Variants in SLC8A1 observed in about 807,000 individuals in gnomAD.
SLC8A1 encodes the protein solute carrier family 8 member A1, also known as sodium/calcium exchanger 1.
SLC8A1 carries 18 observed loss-of-function variants against 68.3 expected under a neutral mutation model. The observed-to-expected ratio is 0.26, with a 90% confidence interval of 0.18 to 0.39. SLC8A1 has a LOEUF of 0.39. SLC8A1 is among the 10% of genes least tolerant of loss of function. The pLI is 1.00. For synonymous variants in SLC8A1, 475 were observed against 415.5 expected (o/e 1.14, Z -1.74); for missense variants, 985 against 1,156.7 (o/e 0.85, Z 2.15).
At chr2:40,415,300 A>T (rs1693468845) in intron 2 of SLC8A1, among the ~76,000 whole-genome samples, 1 of 152,192 alleles carries the variant, frequency 6.6e-6, no homozygotes, top group East Asian at 1.9e-4. Flanking sequence ...AATTAAAGAC[A>T]TAATTGGTAA....
At chr2:40,488,991 T>C (rs1705149669) in intron 1 of SLC8A1, among the ~76,000 whole-genome samples, 1 of 152,070 alleles carries the variant, frequency 6.6e-6, no homozygotes, top group Admixed American at 6.6e-5. Context: ...CACAAGATAA[T>C]CCTAACTATA....
intron 2 of SLC8A1, among the ~76,000 whole-genome samples, chr2:40,237,224 C>T (rs2060515456): frequency 6.6e-6 from 1 of 152,202 alleles, no homozygotes; most frequent in African/African-American, 2.4e-5. Context: ...CCATTGTCCC[C>T]ATCGCTTTCA....
At chr2:40,292,783 T>C (rs2069572313) in intron 2 of SLC8A1, among the ~76,000 whole-genome samples, 1 of 152,192 alleles carries the variant, frequency 6.6e-6, no homozygotes, top group Admixed American at 6.6e-5. Flanking sequence ...GATTTAAGAC[T>C]TTGAATAGTG....
chr2:40,182,707 C>T (rs1469160497), intron 2 of SLC8A1, among the ~76,000 whole-genome samples: 3 of 152,120 alleles, frequency 2.0e-5, no homozygotes, highest in African/African-American at 7.2e-5. Context: ...TTGACTCAGG[C>T]AGACAGTCAG....
intron 2 of SLC8A1, among the ~76,000 whole-genome samples, chr2:40,408,104 C>A (rs180741762): frequency 6.6e-6 from 1 of 152,236 alleles, no homozygotes; most frequent in East Asian, 1.9e-4. Context: ...CAGAAACAGC[C>A]CTATATATTC....
At chr2:40,160,968 A>T in intron 5 of SLC8A1, 104 bp from the exon 9 acceptor site, 1 of 765,946 alleles carries the variant, frequency 1.3e-6, no homozygotes, top group Admixed American at 2.3e-5. Context: ...AAAGGGTAGC[A>T]GATGTTAGGC....
chr2:40,450,853 T>A (rs1399976452), intron 1 of SLC8A1, among the ~76,000 whole-genome samples: 1 of 152,196 alleles, frequency 6.6e-6, no homozygotes, highest in Admixed American at 6.5e-5. Context: ...CTTCTAAAAA[T>A]GCTTTGTTAA....
At chr2:40,272,098 G>C (rs575750768) in intron 2 of SLC8A1, among the ~76,000 whole-genome samples, 6 of 152,036 alleles carry the variant, frequency 3.9e-5, no homozygotes, top group Non-Finnish European at 8.8e-5. Flanking sequence ...GGAACGCCTG[G>C]TCGCAAATGC....
chr2:40,131,858 ATTTTTTTTTTTT>A (rs71404277), intron 7 of SLC8A1, among the ~76,000 whole-genome samples: 2 of 95,556 alleles, frequency 2.1e-5, no homozygotes, highest in African/African-American at 4.3e-5. Flanking sequence ...TTGGTATTCT[ATTTTTTTTTTTT>A]TTTTTTTTTT....
intron 7 of SLC8A1, among the ~76,000 whole-genome samples, chr2:40,137,764 A>T (rs545101820): frequency 3.9e-5 from 6 of 152,242 alleles, no homozygotes; most frequent in Admixed American, 1.3e-4. Flanking sequence ...TCGATGGTCA[A>T]CTGAACGACT....
At chr2:40,146,405 G>T (rs982579924) in intron 6 of SLC8A1, among the ~76,000 whole-genome samples, 3 of 152,066 alleles carry the variant, frequency 2.0e-5, no homozygotes, top group Non-Finnish European at 2.9e-5. Context: ...AGGCTGTTAG[G>T]TTCTACTCAT....
intron 1 of SLC8A1, among the ~76,000 whole-genome samples, chr2:40,448,389 T>A (rs1401060878): frequency 6.6e-6 from 1 of 152,100 alleles, no homozygotes. Flanking sequence ...CAAATCTGAA[T>A]CTCAAAGGCA....
At chr2:40,208,656 C>A (rs186747057) in intron 2 of SLC8A1, among the ~76,000 whole-genome samples, 52 of 152,218 alleles carry the variant, frequency 3.4e-4, no homozygotes, top group African/African-American at 1.2e-3. Context: ...CTCTATGATC[C>A]TATAAACAGG....
intron 3 of SLC8A1, among the ~76,000 whole-genome samples, chr2:40,176,287 G>C (rs1290158057): frequency 6.6e-6 from 1 of 152,124 alleles, no homozygotes; most frequent in African/African-American, 2.4e-5. Flanking sequence ...AAACTGGATA[G>C]TGCTATTAAG....
At chr2:40,449,070 C>T (rs980849030) in intron 1 of SLC8A1, among the ~76,000 whole-genome samples, 1 of 151,596 alleles carries the variant, frequency 6.6e-6, no homozygotes, top group Non-Finnish European at 1.5e-5. Flanking sequence ...AGGGCAGTCT[C>T]CTTCTTATCT....
intron 2 of SLC8A1, among the ~76,000 whole-genome samples, chr2:40,291,318 T>G (rs916296377): frequency 3.4e-4 from 51 of 152,186 alleles, no homozygotes; most frequent in Non-Finnish European, 4.4e-5. Flanking sequence ...AAGTCACTGG[T>G]ATGATGACAC....
intron 2 of SLC8A1, among the ~76,000 whole-genome samples, chr2:40,414,639 C>G (rs1693249440): frequency 6.6e-6 from 1 of 151,954 alleles, no homozygotes; most frequent in African/African-American, 2.4e-5. Flanking sequence ...TAAATGAGGA[C>G]TTGTTTTAGT....
intron 2 of SLC8A1, among the ~76,000 whole-genome samples, chr2:40,315,406 A>G (rs1244519315): frequency 2.6e-5 from 4 of 151,256 alleles, no homozygotes; most frequent in African/African-American, 9.7e-5. Context: ...GATTAGAGTG[A>G]GTAAGGTAAA....
chr2:40,306,888 T>A (rs914892121), intron 2 of SLC8A1, among the ~76,000 whole-genome samples: 2 of 152,172 alleles, frequency 1.3e-5, no homozygotes, highest in Non-Finnish European at 2.9e-5. Context: ...AGTCAGAGAA[T>A]AAATCTCTGA....
Sources: allele counts gnomAD v4.1 joint callset (sites outside exome capture counted in the v4.1 genomes callset), GRCh38; gene constraint gnomAD v4.1.1; transcripts MANE v1.5; gene names NCBI Gene and HGNC (gene_info 2026-07-23, HGNC 2026-07-21).